TFPI: variants seen among roughly 807,000 people sequenced by gnomAD.
TFPI encodes the protein tissue factor pathway inhibitor.
Under a neutral mutation model 34.6 loss-of-function variants are expected in TFPI, and 15 were observed. That is an observed-to-expected ratio of 0.43 (90% CI 0.29 to 0.67). The LOEUF is 0.67. Among genes scored for constraint, TFPI ranks in the 30% least tolerant of loss-of-function variants. TFPI has a pLI of 0.15. For synonymous variants in TFPI, 105 were observed against 120.1 expected, an observed-to-expected ratio of 0.87 and a Z score of 0.82; for missense variants, 301 against 364.0, an observed-to-expected ratio of 0.83 and a Z score of 1.41.
chr2:187,484,604 A>G, intron 5 of TFPI: 2 of 516,640 alleles, frequency 3.9e-6, no homozygotes, highest in South Asian at 6.7e-5. Flanking sequence ...ATAATGCAAC[A>G]TAAAAAGTAT....
chr2:187,523,867 A>G (rs1000974403), intron 1 of TFPI, among the ~76,000 whole-genome samples: 4 of 152,018 alleles, frequency 2.6e-5, no homozygotes, highest in Non-Finnish European at 4.4e-5. Context: ...TCATTCCCCC[A>G]TAAGGAAATT....
intron 6 of TFPI, among the ~76,000 whole-genome samples, chr2:187,482,763 G>A (rs1287987411): frequency 2.6e-5 from 4 of 151,844 alleles, no homozygotes; most frequent in African/African-American, 7.3e-5. Context: ...TAATCCTCAT[G>A]CTTAGGCTGG....
At chr2:187,524,785 T>C (rs1276518855) in intron 1 of TFPI, among the ~76,000 whole-genome samples, 2 of 152,066 alleles carry the variant, frequency 1.3e-5, no homozygotes, top group Non-Finnish European at 2.9e-5. Context: ...GAATCTGTAA[T>C]GAAAATGAAA....
intron 6 of TFPI, among the ~76,000 whole-genome samples, chr2:187,468,288 CACAT>C (rs1385020743): frequency 1.8e-4 from 27 of 149,626 alleles, no homozygotes; most frequent in Non-Finnish European, 5.9e-5. Context: ...CACACACACA[CACAT>C]CACACATATA....
rs1300724888 is a variant in TFPI, at chr2:187,465,821, A to G, written c.*1115T>C. On this transcript the variant is annotated 3_prime_UTR_variant, in exon 8 of 8. Coordinates refer to ENST00000233156, the MANE Select transcript of TFPI (RefSeq NM_006287.6). ...TTCCAGTGTCAGATTTGAGGTGAAC[A>G]CTACAGAAACTGACATGTCTTGGAG... 2.0e-5 allele frequency: 3 copies of G among 152,152 alleles called. No homozygotes were observed. The highest frequency in any genetic ancestry group is 2.4e-5 in the African/African-American group (1 of 41,440). The allele number at this position is 152,152 out of a possible 1,614,324, so 9.4% of individuals were successfully genotyped here. A position where few individuals can be genotyped will look rare whatever the true frequency, so the allele number is the denominator to read the frequency against.
chr2:187,484,198 T>C lies in TFPI; in HGVS notation c.554A>G (p.Asp185Gly). The change falls in exon 6 of 8, where the codon GAT becomes GGT. Residue 185 changes from aspartate to glycine, a missense_variant. By Grantham distance (94) the Asp-to-Gly change is moderately conservative. Coordinates refer to ENST00000233156, the MANE Select transcript of TFPI (RefSeq NM_006287.6). ...CEDGPNGFQV[D>G]NYGTQLNAVN... ...AGCATTGAGCTGGGTTCCATAATTA[T>C]CCACCTGGAAACCATTCGCTGGAAA... 9.3e-6 allele frequency: 15 copies of C among 1,611,864 alleles called. No homozygotes were observed. The highest frequency in any genetic ancestry group is 1.3e-5 in the Non-Finnish European group (15 of 1,178,590).
chr2:187,487,536 A>G lies in TFPI; in HGVS notation c.358+801T>C, dbSNP rs148820721. 3.3e-5 allele frequency among the ~76,000 whole-genome samples: 5 copies of G among 151,502 alleles called. No homozygotes were observed. The East Asian group carries it at 7.7e-4, about 23-fold the overall frequency. The stretch of plus-strand genomic sequence containing the variant: ...GTGGTCTTTCATGTTGCGGTCTTTC[A>G]TGTCCTGAGTTAAACAATTTAATCT... On this transcript the variant is annotated intron_variant, in intron 4 of 7. Coordinates refer to ENST00000233156, the MANE Select transcript of TFPI (RefSeq NM_006287.6).
intron 3 of TFPI, among the ~76,000 whole-genome samples, chr2:187,495,688 C>T (rs1424411729): frequency 6.6e-6 from 1 of 152,072 alleles, no homozygotes; most frequent in Non-Finnish European, 1.5e-5. Flanking sequence ...ACCATGATGC[C>T]AAGGCTGTTT....
chr2:187,540,730 A>C (rs1352187231), intron 1 of TFPI, among the ~76,000 whole-genome samples: 2 of 151,876 alleles, frequency 1.3e-5, no homozygotes, highest in African/African-American at 4.8e-5. Flanking sequence ...ATCTCTACTA[A>C]AAATACGAAA....
chr2:187,513,622 C>G (rs1204413958), intron 1 of TFPI: 4 of 152,636 alleles, frequency 2.6e-5, no homozygotes, highest in Admixed American at 6.5e-5. Flanking sequence ...TTACCTTGTG[C>G]TGCTAACCGC....
intron 2 of TFPI, among the ~76,000 whole-genome samples, chr2:187,497,701 G>A (rs571618062): frequency 1.3e-5 from 2 of 151,628 alleles, no homozygotes; most frequent in East Asian, 1.9e-4. Context: ...TTGACTTCAC[G>A]TTATATATTT....
chr2:187,467,102 C>T, intron 7 of TFPI, 60 bp from the exon 8 acceptor site: 2 of 1,101,180 alleles, frequency 1.8e-6, no homozygotes, highest in South Asian at 3.0e-5. Flanking sequence ...AATGTTTTAT[C>T]TAAAATCTTC....
chr2:187,522,027 T>A (rs1167128245), intron 1 of TFPI, among the ~76,000 whole-genome samples: 1 of 152,154 alleles, frequency 6.6e-6, no homozygotes, highest in African/African-American at 2.4e-5. Context: ...TATTTGTACG[T>A]CTTCTTCGGA....
Position 187,496,927 on chromosome 2 carries a change from C to A in TFPI, c.273G>T (p.Gln91His). The change falls in exon 3 of 8, where the codon CAG becomes CAT. Residue 91 changes from glutamine to histidine, a missense_variant. Transcript: ENST00000233156. ...EFIYGGCEGN[Q>H]NRFESLEECK... ...ACTCTTCCAGACTTTCAAATCGATT[C>A]TGATTTCCTTCACATCCCCCATATA... 6.2e-7 allele frequency: 1 copy of A among 1,613,196 alleles called. No individual in the cohort carries two copies. The highest frequency in any genetic ancestry group is 8.5e-7 in the Non-Finnish European group (1 of 1,179,428).
At chr2:187,499,645 C>G (rs1365388804) in intron 2 of TFPI, 2 of 151,956 alleles carry the variant, frequency 1.3e-5, no homozygotes, top group Non-Finnish European at 2.9e-5. Context: ...TTTCTGAACT[C>G]TAGACATGTT....
chr2:187,483,072 A>G (rs1158798382), intron 6 of TFPI, among the ~76,000 whole-genome samples: 1 of 151,950 alleles, frequency 6.6e-6, no homozygotes, highest in Non-Finnish European at 1.5e-5. Context: ...GACTCTTTCT[A>G]GAAAAGTCGG....
chr2:187,488,896 C>T (rs1048188974), intron 3 of TFPI, among the ~76,000 whole-genome samples: 2 of 151,420 alleles, frequency 1.3e-5, no homozygotes, highest in Admixed American at 1.3e-4. Context: ...ATCTGGGACA[C>T]GTTGTTTGGT....
chr2:187,477,381 C>T (rs996064516), intron 6 of TFPI, among the ~76,000 whole-genome samples: 1 of 152,208 alleles, frequency 6.6e-6, no homozygotes, highest in East Asian at 1.9e-4. Context: ...TGTTCCTGTG[C>T]TTCTTGGTCT....
At chr2:187,552,440 A>G (rs2106339785) in intron 1 of TFPI, among the ~76,000 whole-genome samples, 1 of 152,244 alleles carries the variant, frequency 6.6e-6, no homozygotes, top group African/African-American at 2.4e-5. Context: ...ATTAGAGTTT[A>G]TTACAAAATA....
Sources: gnomAD v4.1 joint callset for allele counts (sites outside exome capture counted in the v4.1 genomes callset) on GRCh38, gnomAD v4.1.1 for gene constraint, MANE v1.5 for transcripts, NCBI Gene and HGNC (gene_info 2026-07-23, HGNC 2026-07-21) for gene names.